The following SENP6 variants were observed in gnomAD, a reference collection of about 807,000 sequenced individuals.
SENP6 encodes sentrin-specific protease 6.
In SENP6, 41 loss-of-function variants were observed where a neutral mutation model predicts 134.5. The observed-to-expected ratio is 0.30, with a 90% CI of 0.24 to 0.40. The LOEUF is 0.40. Ranked by LOEUF, SENP6 falls within the 10% of genes least tolerant of loss-of-function variation. The probability of loss-of-function intolerance (pLI) is 1.00; values close to 1 mark genes in which losing one functional copy is unlikely to be tolerated. For missense variants in SENP6, 1,248 were observed against 1,312.5 expected (o/e 0.95, Z 0.76); for synonymous variants, 395 against 429.8 (o/e 0.92, Z 1.00).
chr6:75,685,874 G>T (rs997127581), intron 16 of SENP6, among the ~76,000 whole-genome samples: 75 of 152,290 alleles, frequency 4.9e-4, no homozygotes, highest in African/African-American at 1.8e-3. Flanking sequence ...ATATTCTGTT[G>T]ATTTGGGGTG....
chr6:75,665,964 T>C (rs941049586), intron 9 of SENP6, among the ~76,000 whole-genome samples: 69 of 151,142 alleles, frequency 4.6e-4, no homozygotes, highest in African/African-American at 1.4e-3. Flanking sequence ...GAGGCGGAGT[T>C]GCAGTGAGAC....
At chr6:75,681,015 T>A (rs1264982144) in intron 16 of SENP6, among the ~76,000 whole-genome samples, 2 of 152,186 alleles carry the variant, frequency 1.3e-5, no homozygotes, top group Admixed American at 1.3e-4. Flanking sequence ...ATCAGGAAGA[T>A]CTCAAACTGA....
chr6:75,626,078 A>C (rs1261856406), intron 3 of SENP6, among the ~76,000 whole-genome samples: 1 of 152,060 alleles, frequency 6.6e-6, no homozygotes, highest in Non-Finnish European at 1.5e-5. Flanking sequence ...GTAATTTGAA[A>C]TTGTTTATTT....
intron 16 of SENP6, among the ~76,000 whole-genome samples, chr6:75,680,888 G>T (rs1193139584): frequency 6.6e-6 from 1 of 152,160 alleles, no homozygotes; most frequent in African/African-American, 2.4e-5. Flanking sequence ...TGTGGTGCTA[G>T]AGGAAGTCTG....
chr6:75,641,707 G>A (rs1263009279), intron 6 of SENP6, among the ~76,000 whole-genome samples: 1 of 152,230 alleles, frequency 6.6e-6, no homozygotes, highest in Non-Finnish European at 1.5e-5. Context: ...ACTGGGCAAG[G>A]TGGCTCACAC....
intron 16 of SENP6, among the ~76,000 whole-genome samples, chr6:75,686,325 C>T (rs1773837695): frequency 1.3e-5 from 2 of 152,164 alleles, no homozygotes; most frequent in Non-Finnish European, 2.9e-5. Flanking sequence ...ATACAGCACA[C>T]TGATGGGTCT....
At chr6:75,634,437 G>A (rs1459410435) in intron 4 of SENP6, among the ~76,000 whole-genome samples, 7 of 152,004 alleles carry the variant, frequency 4.6e-5, no homozygotes, top group Non-Finnish European at 1.0e-4. Context: ...TATTAGAGAC[G>A]GGGTTACAGC....
At chr6:75,698,495 A>ATT (rs201401262) in intron 18 of SENP6, among the ~76,000 whole-genome samples, 20 of 148,018 alleles carry the variant, frequency 1.4e-4, no homozygotes, top group African/African-American at 4.2e-4. Flanking sequence ...TAGCTTCTGA[A>ATT]TTTTTTTTTT....
At chr6:75,685,322 CA>C (rs1773752603) in intron 16 of SENP6, among the ~76,000 whole-genome samples, 1 of 151,928 alleles carries the variant, frequency 6.6e-6, no homozygotes, top group Non-Finnish European at 1.5e-5. Flanking sequence ...TTGATCTTTT[CA>C]AAAAACCAGC....
At chr6:75,677,297 G>T in intron 14 of SENP6, 41 bp downstream of exon 14, 1 of 1,325,976 alleles carries the variant, frequency 7.5e-7, no homozygotes, top group Non-Finnish European at 1.0e-6. Flanking sequence ...TTAAATTGTG[G>T]GTAGTTTTAA....
intron 17 of SENP6, among the ~76,000 whole-genome samples, chr6:75,696,382 C>A (rs555432266): frequency 6.6e-6 from 1 of 152,226 alleles, no homozygotes; most frequent in South Asian, 2.1e-4. Context: ...TCCATAATAT[C>A]TAAGAAAGGA....
At chr6:75,602,657 A>G (rs534131626) in intron 1 of SENP6, 81 bp downstream of exon 1, 14 of 1,400,794 alleles carry the variant, frequency 1.0e-5, no homozygotes, top group African/African-American at 1.4e-5. Context: ...ATATTCAGTT[A>G]TCTGCGCTGG....
intron 7 of SENP6, among the ~76,000 whole-genome samples, chr6:75,651,491 C>T (rs1022243392): frequency 6.6e-6 from 1 of 152,132 alleles, no homozygotes; most frequent in Admixed American, 6.6e-5. Context: ...GCTGGGACTG[C>T]AGGCGCATGC....
intron 7 of SENP6, among the ~76,000 whole-genome samples, chr6:75,651,501 C>T (rs1019575638): frequency 6.6e-6 from 1 of 152,178 alleles, no homozygotes; most frequent in African/African-American, 2.4e-5. Context: ...CAGGCGCATG[C>T]TGCCACATCC....
intron 16 of SENP6, among the ~76,000 whole-genome samples, chr6:75,680,184 G>A (rs1011893656): frequency 9.8e-5 from 15 of 152,326 alleles, no homozygotes; most frequent in Middle Eastern, 3.4e-3. Context: ...TTAAGGAGGA[G>A]AGGAAAGGGT....
chr6:75,706,548 G>A (rs1775417309), intron 19 of SENP6, among the ~76,000 whole-genome samples: 1 of 152,154 alleles, frequency 6.6e-6, no homozygotes, highest in South Asian at 2.1e-4. Flanking sequence ...TTAAATTTGA[G>A]TAAATAGCCT....
rs1159108427 is a variant in SENP6 at position 75,715,492 on chromosome 6, G to A, written c.3237G>A (p.Gln1079=). The A allele has an allele frequency of 6.2e-7, 1 of 1,613,270 alleles. No homozygotes were observed. Among genetic ancestry groups the A allele is most frequent in the African/African-American group, 1.3e-5 (1 of 74,846 alleles). The stretch of plus-strand genomic sequence containing the variant: ...TCCGAAACATAATTCTGAAGCTACA[G>A]GAAGATCAGAGCAAAGAGAAAAGAA... ...EEIRNIILKL[Q]EDQSKEKRKH... Residue 1079 remains glutamine, a synonymous_variant, in exon 24 of 24, where the codon CAG becomes CAA. Transcript: ENST00000447266.
intron 6 of SENP6, chr6:75,646,458 T>C (rs576718255): frequency 1.3e-5 from 2 of 152,322 alleles, no homozygotes; most frequent in East Asian, 1.9e-4. Flanking sequence ...TAATATGTTA[T>C]ATAAGTTTAT....
intron 1 of SENP6, among the ~76,000 whole-genome samples, chr6:75,604,761 C>T (rs775987963): frequency 6.6e-6 from 1 of 152,034 alleles, no homozygotes; most frequent in Non-Finnish European, 1.5e-5. Flanking sequence ...CTTTTGGTGT[C>T]TTACACTTTT....
Sources: gnomAD v4.1 joint callset for allele counts (sites outside exome capture counted in the v4.1 genomes callset) on GRCh38, gnomAD v4.1.1 for gene constraint, MANE v1.5 for transcripts, NCBI Gene and HGNC (gene_info 2026-07-23, HGNC 2026-07-21) for gene names.